The following RORA variants were observed in gnomAD, a reference collection of about 807,000 sequenced individuals.
The protein encoded by RORA is RAR related orphan receptor A.
A neutral mutation model predicts 69.5 loss-of-function variants in RORA; 7 were observed. The ratio of observed to expected loss-of-function variants is 0.10; its 90% CI spans 0.06 to 0.19. The LOEUF (loss-of-function observed/expected upper bound fraction) is 0.19. RORA is among the 10% of genes least tolerant of loss of function. RORA has a pLI of 1.00. For synonymous variants in RORA, 261 were observed against 240.8 expected (o/e 1.08, Z -0.78); for missense variants, 457 against 663.0 (o/e 0.69, Z 3.41).
chr15:60,771,984 G>T (rs2072083201), intron 1 of RORA, among the ~76,000 whole-genome samples: 1 of 152,190 alleles, frequency 6.6e-6, no homozygotes, highest in African/African-American at 2.4e-5. Context: ...GAGAATTTCA[G>T]GGTACATGCC....
chr15:61,018,635 T>C (rs1467640092), intron 1 of RORA, among the ~76,000 whole-genome samples: 3 of 152,198 alleles, frequency 2.0e-5, no homozygotes, highest in Admixed American at 6.5e-5. Flanking sequence ...ACTGCATGCA[T>C]GTATATATTG....
chr15:60,944,239 G>C (rs899959243), intron 1 of RORA, among the ~76,000 whole-genome samples: 1 of 152,168 alleles, frequency 6.6e-6, no homozygotes, highest in Non-Finnish European at 1.5e-5. Flanking sequence ...ACTGGTCTGA[G>C]ATGGAGCATG....
intron 1 of RORA, among the ~76,000 whole-genome samples, chr15:60,878,381 G>A (rs2073643162): frequency 6.7e-6 from 1 of 149,004 alleles, no homozygotes; most frequent in Non-Finnish European, 1.5e-5. Context: ...ATTTTCCAGT[G>A]TTGAAGAGGA....
At chr15:60,809,767 T>C (rs1595731875) in intron 1 of RORA, among the ~76,000 whole-genome samples, 1 of 146,832 alleles carries the variant, frequency 6.8e-6, no homozygotes, top group African/African-American at 2.6e-5. Flanking sequence ...ATGAATATTC[T>C]CTCTTTTCTG....
chr15:61,124,896 T>A (rs1183397988), intron 1 of RORA, among the ~76,000 whole-genome samples: 1 of 152,172 alleles, frequency 6.6e-6, no homozygotes, highest in Non-Finnish European at 1.5e-5. Context: ...TATTCCATTA[T>A]AATCTTTGGG....
chr15:60,510,814 A>T (rs1250535126), intron 5 of RORA, among the ~76,000 whole-genome samples: 1 of 152,208 alleles, frequency 6.6e-6, no homozygotes, highest in Admixed American at 6.5e-5. Flanking sequence ...CAAAAATTTT[A>T]AAACTCTGCC....
intron 1 of RORA, among the ~76,000 whole-genome samples, chr15:60,810,560 C>T (rs1039457219): frequency 6.6e-6 from 1 of 152,064 alleles, no homozygotes; most frequent in African/African-American, 2.4e-5. Context: ...ATTTTTCTCT[C>T]GTTTTTTGCT....
chr15:61,189,655 A>G (rs2079777467), intron 1 of RORA, among the ~76,000 whole-genome samples: 1 of 152,084 alleles, frequency 6.6e-6, no homozygotes, highest in African/African-American at 2.4e-5. Context: ...CAGGAGATCA[A>G]GACCATCCTG....
At chr15:61,084,454 GGA>G (rs1219541607) in intron 1 of RORA, among the ~76,000 whole-genome samples, 34 of 152,280 alleles carry the variant, frequency 2.2e-4, no homozygotes, top group African/African-American at 7.5e-4. Context: ...TACAAGAGAT[GGA>G]TAATTTATTT....
intron 1 of RORA, among the ~76,000 whole-genome samples, chr15:60,844,272 T>A (rs1042296567): frequency 6.6e-6 from 1 of 152,228 alleles, no homozygotes; most frequent in African/African-American, 2.4e-5. Context: ...TTCATCTTTG[T>A]ACCCTGGGTT....
At chr15:61,042,975 T>A (rs74018200) in intron 1 of RORA, among the ~76,000 whole-genome samples, 1,627 of 152,294 alleles carry the variant, frequency 0.011, 34 homozygotes, top group African/African-American at 0.038. Flanking sequence ...ATATCCTTCA[T>A]CCTGCTCACA....
intron 2 of RORA, among the ~76,000 whole-genome samples, chr15:60,541,666 TG>T (rs1323744389): frequency 6.6e-6 from 1 of 152,250 alleles, no homozygotes; most frequent in Non-Finnish European, 1.5e-5. Context: ...AGAAATGCTC[TG>T]GACTAAGCTA....
chr15:60,832,922 TG>T (rs2073063437), intron 1 of RORA, among the ~76,000 whole-genome samples: 2 of 152,150 alleles, frequency 1.3e-5, no homozygotes, highest in African/African-American at 4.8e-5. Context: ...TTTTTTTTTT[TG>T]AGACGGAGTC....
chr15:60,933,969 G>T (rs1007379388), intron 1 of RORA, among the ~76,000 whole-genome samples: 1 of 152,244 alleles, frequency 6.6e-6, no homozygotes, highest in Non-Finnish European at 1.5e-5. Context: ...AAAGTGATGA[G>T]AAGCGCATTG....
At chr15:60,952,219 A>G (rs1477110344) in intron 1 of RORA, among the ~76,000 whole-genome samples, 28 of 151,914 alleles carry the variant, frequency 1.8e-4, no homozygotes, top group Non-Finnish European at 2.9e-4. Flanking sequence ...ATGCAGAAAA[A>G]GCCTTTGACA....
intron 1 of RORA, among the ~76,000 whole-genome samples, chr15:61,123,498 A>T (rs1473756384): frequency 6.6e-6 from 1 of 152,222 alleles, no homozygotes; most frequent in Non-Finnish European, 1.5e-5. Flanking sequence ...GTGTCCCAAA[A>T]CAAACAATCC....
intron 2 of RORA, among the ~76,000 whole-genome samples, chr15:60,669,183 C>T (rs2070426337): frequency 6.6e-6 from 1 of 152,204 alleles, no homozygotes; most frequent in Admixed American, 6.5e-5. Flanking sequence ...TTTCACTGCA[C>T]ATTCCATGCC....
chr15:60,937,245 A>G (rs1892551899), intron 1 of RORA, among the ~76,000 whole-genome samples: 2 of 152,330 alleles, frequency 1.3e-5, no homozygotes, highest in African/African-American at 2.4e-5. Flanking sequence ...CTCAGTGAGA[A>G]CTTTAGGACC....
rs1567115664 is a variant in RORA, at chr15:60,597,621, TAC to T, written c.197-65772_197-65771del. ...ACATATATATATATATATATATACA[TAC>T]ATATATATACATATATATATATATA... On this transcript the variant is annotated intron_variant, in intron 2 of 10. Coordinates refer to ENST00000335670, the MANE Select transcript of RORA (RefSeq NM_134261.3). Among the ~76,000 whole-genome samples the T allele has an allele frequency of 9.4e-4, 41 of 43,702 alleles. 1 individual carries two copies. Among genetic ancestry groups the T allele is most frequent in the East Asian group, 1.9e-3 (1 of 534 alleles). The allele number at this position is 43,702 out of a possible 152,430, so 28.7% of individuals were successfully genotyped here.
Sources: allele counts gnomAD v4.1 joint callset (sites outside exome capture counted in the v4.1 genomes callset), GRCh38; gene constraint gnomAD v4.1.1; transcripts MANE v1.5; gene names NCBI Gene and HGNC (gene_info 2026-07-23, HGNC 2026-07-21).